The following XKR9 variants were observed in gnomAD, a reference collection of about 807,000 sequenced individuals.
XKR9 encodes XK related 9.
A neutral mutation model predicts 32.0 loss-of-function variants in XKR9; 32 were observed. The ratio of observed to expected loss-of-function variants is 1.00; its 90% CI spans 0.76 to 1.34. XKR9 has a LOEUF of 1.34. Among genes scored for constraint, XKR9 ranks in the 40% most tolerant of loss-of-function variants. The pLI is 0.00. For missense variants in XKR9, 546 were observed against 429.7 expected, an observed-to-expected ratio of 1.27 and a Z score of -2.39; for synonymous variants, 168 against 143.4, an observed-to-expected ratio of 1.17 and a Z score of -1.22.
At chr8:70,876,067 G>A in the XKR9 span, among the ~76,000 whole-genome samples, 4 of 151,962 alleles carry the variant, frequency 2.6e-5, no homozygotes, top group African/African-American at 4.8e-5. Context: ...TTCTTAGAGT[G>A]GTATTCAATT....
chr8:70,819,679 G>A, the XKR9 span, among the ~76,000 whole-genome samples: 3 of 152,216 alleles, frequency 2.0e-5, no homozygotes, highest in African/African-American at 7.2e-5. Context: ...GGATATGAAG[G>A]TACTTTGTAT....
chr8:70,924,984 A>G, the XKR9 span, among the ~76,000 whole-genome samples: 1 of 152,190 alleles, frequency 6.6e-6, no homozygotes, highest in African/African-American at 2.4e-5. Context: ...TTTTTGCCCA[A>G]GTAAATTTTC....
intron 3 of XKR9, among the ~76,000 whole-genome samples, chr8:70,682,712 A>G (rs1034627154): frequency 5.3e-5 from 8 of 152,172 alleles, no homozygotes; most frequent in African/African-American, 1.4e-4. Context: ...CAAGTCCTGA[A>G]CACTAATTTT....
At chr8:70,694,804 T>C (rs954448963) in intron 3 of XKR9, among the ~76,000 whole-genome samples, 9 of 152,238 alleles carry the variant, frequency 5.9e-5, no homozygotes, top group East Asian at 1.9e-4. Context: ...CAGCCTCTTT[T>C]CTAGGGGTAT....
the XKR9 span, among the ~76,000 whole-genome samples, chr8:70,826,284 T>C: frequency 6.6e-6 from 1 of 152,066 alleles, no homozygotes; most frequent in Admixed American, 6.6e-5. Context: ...AACTAATCAG[T>C]TTGTGGCATA....
rs968018621 is a variant in XKR9, at chr8:70,753,940, A to G, written n.353-35399A>G. 2.0e-4 allele frequency among the ~76,000 whole-genome samples: 27 copies of G among 134,582 alleles called. 1 individual carries two copies. Among genetic ancestry groups the G allele is most frequent in the South Asian group, 9.1e-4 (4 of 4,404 alleles). The allele number at this position is 134,582 out of a possible 152,430, so 88.3% of individuals were successfully genotyped here. On this transcript the variant is annotated intron_variant and non_coding_transcript_variant, in intron 2 of 3. Transcript: ENST00000520273. ...GGGCAATTAGGCAGGAGAAGGAAATAAAGGGTATTCAACTAGGAAAAGAGG... is the reference window on the plus strand; with the variant it reads ...GGGCAATTAGGCAGGAGAAGGAAATGAAGGGTATTCAACTAGGAAAAGAGG...
chr8:70,770,454 T>C (rs1196012388), intron 2 of XKR9, among the ~76,000 whole-genome samples: 2 of 152,220 alleles, frequency 1.3e-5, no homozygotes, highest in East Asian at 3.9e-4. Context: ...CTGGGAGATA[T>C]GCTGCTCTCT....
At chr8:70,871,121 T>C in the XKR9 span, among the ~76,000 whole-genome samples, 1 of 152,254 alleles carries the variant, frequency 6.6e-6, no homozygotes, top group South Asian at 2.1e-4. Flanking sequence ...CATGGAAAAA[T>C]AGAAAACTCA....
chr8:70,720,613 G>C (rs189128875), intron 4 of XKR9, among the ~76,000 whole-genome samples: 9 of 152,090 alleles, frequency 5.9e-5, no homozygotes, highest in African/African-American at 2.2e-4. Context: ...ATTGATTTGC[G>C]TATGTTGAAC....
rs1051163557 is a variant in XKR9, at chr8:70,735,068, T to C, written c.*644T>C. On this transcript the variant is annotated 3_prime_UTR_variant, in exon 5 of 5. Transcript: ENST00000408926. ...TCCTATTTGTGCTAGAATAGTTGTA[T>C]CTAAATCATATTTTAAAATTATTTT... 6.6e-6 allele frequency: 1 copy of C among 152,184 alleles called. No homozygotes were observed. Among genetic ancestry groups the C allele is most frequent in the African/African-American group, 2.4e-5 (1 of 41,446 alleles). The allele number at this position is 152,184 out of a possible 1,614,324, so 9.4% of individuals were successfully genotyped here.
chr8:70,936,854 A>G, the XKR9 span, among the ~76,000 whole-genome samples: 1 of 152,042 alleles, frequency 6.6e-6, no homozygotes, highest in East Asian at 1.9e-4. Flanking sequence ...AATTGCATGC[A>G]TTTAGGATTT....
the XKR9 span, among the ~76,000 whole-genome samples, chr8:70,795,495 C>T: frequency 9.0e-4 from 137 of 152,216 alleles, no homozygotes; most frequent in East Asian, 0.019. Context: ...TGGGTATATA[C>T]CCAGTAATGG....
chr8:70,884,926 AT>A, the XKR9 span, among the ~76,000 whole-genome samples: 1 of 152,136 alleles, frequency 6.6e-6, no homozygotes, highest in South Asian at 2.1e-4. Flanking sequence ...GTTTTCTGGG[AT>A]TTTGATTGTG....
At chr8:70,925,385 C>G in the XKR9 span, among the ~76,000 whole-genome samples, 1 of 152,020 alleles carries the variant, frequency 6.6e-6, no homozygotes, top group South Asian at 2.1e-4. Context: ...AGTGGTCAGG[C>G]TAGGAGGGAT....
At chr8:70,751,535 A>T (rs913258912) in intron 2 of XKR9, among the ~76,000 whole-genome samples, 1 of 152,180 alleles carries the variant, frequency 6.6e-6, no homozygotes, top group African/African-American at 2.4e-5. Context: ...AGAGATTGAC[A>T]TTTGAATCAG....
the XKR9 span, among the ~76,000 whole-genome samples, chr8:70,897,282 C>T: frequency 1.3e-5 from 2 of 152,122 alleles, no homozygotes; most frequent in African/African-American, 4.8e-5. Context: ...ATCCATTTAT[C>T]TGTTGATGGA....
chr8:71,054,054 A>G, the XKR9 span, among the ~76,000 whole-genome samples: 1 of 152,142 alleles, frequency 6.6e-6, no homozygotes, highest in Non-Finnish European at 1.5e-5. Context: ...GCTCAGTTGA[A>G]CCCCAGATAA....
the XKR9 span, among the ~76,000 whole-genome samples, chr8:70,948,870 AAT>A: frequency 1.3e-5 from 2 of 152,228 alleles, 1 homozygote; most frequent in Non-Finnish European, 2.9e-5. Flanking sequence ...ATTTTACAAG[AAT>A]TCTTCAGGAA....
At chr8:70,719,980 A>G (rs1391674114) in intron 4 of XKR9, among the ~76,000 whole-genome samples, 1 of 152,076 alleles carries the variant, frequency 6.6e-6, no homozygotes, top group Non-Finnish European at 1.5e-5. Flanking sequence ...TTCCTTGAAC[A>G]GTGGTTTGTA....
Sources: gnomAD v4.1 joint callset for allele counts (sites outside exome capture counted in the v4.1 genomes callset) on GRCh38, gnomAD v4.1.1 for gene constraint, MANE v1.5 for transcripts, NCBI Gene and HGNC (gene_info 2026-07-23, HGNC 2026-07-21) for gene names.